The following SDK2 variants were observed in gnomAD, a reference collection of about 807,000 sequenced individuals.
The protein encoded by SDK2 is sidekick cell adhesion molecule 2.
A neutral mutation model predicts 253.9 loss-of-function variants in SDK2; 105 were observed. The ratio of observed to expected loss-of-function variants is 0.41; its 90% CI spans 0.35 to 0.49. The LOEUF is 0.49. Ranked by LOEUF, SDK2 falls within the 20% of genes least tolerant of loss-of-function variation. The probability of loss-of-function intolerance (pLI) is 0.06; values close to 1 mark genes in which losing one functional copy is unlikely to be tolerated. For synonymous variants in SDK2, 1,249 were observed against 1,234.9 expected, an observed-to-expected ratio of 1.01 and a Z score of -0.24; for missense variants, 2,608 against 3,003.0, an observed-to-expected ratio of 0.87 and a Z score of 3.07.
At chr17:73,521,977 C>T (rs555063962) in intron 1 of SDK2, among the ~76,000 whole-genome samples, 1 of 152,296 alleles carries the variant, frequency 6.6e-6, no homozygotes, top group Non-Finnish European at 1.5e-5. Flanking sequence ...TTATTTGCAC[C>T]ACACAGCAAT....
intron 1 of SDK2, among the ~76,000 whole-genome samples, chr17:73,608,012 T>C (rs915321215): frequency 6.6e-6 from 1 of 152,090 alleles, no homozygotes; most frequent in African/African-American, 2.4e-5. Flanking sequence ...AAGGAAAGAA[T>C]GTGGGTCCAT....
Position 73,455,934 on chromosome 17 carries a change from C to T in SDK2, c.451G>A (p.Gly151Ser), listed in dbSNP as rs776371081. Residue 151 changes from glycine to serine, a missense_variant, in exon 4 of 45, where the codon GGC (glycine) becomes AGC (serine). This residue lies in a region of SDK2 where 1,505 missense variants were observed against 1,859.1 expected (regional missense o/e 0.81). Coordinates refer to ENST00000392650, the MANE Select transcript of SDK2 (RefSeq NM_001144952.2). This position sits in a 1 kb window ranked among gnomAD's most constrained non-coding sequence, Gnocchi z 5.0. ...CGGCTGCTGGGCGGGATCTTGCGGC[C>T]GTCCCGGAACCAGGTCACCTGTGGC... Reference protein sequence around the residue: ...PQPQVTWFRDGRKIPPSSRIA... With the variant: ...PQPQVTWFRDSRKIPPSSRIA... 9.7e-6 allele frequency: 15 copies of T among 1,545,944 alleles called. No individual in the cohort carries two copies. The highest frequency in any genetic ancestry group is 1.2e-5 in the Non-Finnish European group (14 of 1,146,382).
At chr17:73,512,957 C>T (rs182472333) in intron 1 of SDK2, among the ~76,000 whole-genome samples, 30 of 152,060 alleles carry the variant, frequency 2.0e-4, no homozygotes, top group African/African-American at 6.8e-4. Context: ...AAAATAAATG[C>T]TGGATGGATC....
intron 1 of SDK2, among the ~76,000 whole-genome samples, chr17:73,549,067 T>C (rs2045013849): frequency 1.3e-5 from 2 of 152,230 alleles, no homozygotes; most frequent in African/African-American, 4.8e-5. Flanking sequence ...TTGGCCGAGG[T>C]GCTGGGCACC....
intron 1 of SDK2, among the ~76,000 whole-genome samples, chr17:73,572,384 G>A (rs1047914567): frequency 6.6e-6 from 1 of 151,964 alleles, no homozygotes; most frequent in Non-Finnish European, 1.5e-5. Context: ...ACCACGCACT[G>A]TTTTCTGTGC....
chr17:73,487,371 CA>C (rs1253435450), intron 2 of SDK2, among the ~76,000 whole-genome samples: 5 of 152,220 alleles, frequency 3.3e-5, no homozygotes, highest in African/African-American at 1.2e-4. Context: ...GAAGCTGTGA[CA>C]GATGGACCCC....
chr17:73,563,799 G>T (rs1203505890), intron 1 of SDK2, among the ~76,000 whole-genome samples: 2 of 151,544 alleles, frequency 1.3e-5, no homozygotes, highest in African/African-American at 4.9e-5. Context: ...TTGAGACAGG[G>T]TCTCCCTCTG....
chr17:73,537,100 C>A (rs533312173), intron 1 of SDK2, among the ~76,000 whole-genome samples: 2 of 152,134 alleles, frequency 1.3e-5, no homozygotes, highest in South Asian at 2.1e-4. Context: ...AGGATCACGA[C>A]GCATGTGCGT....
rs917281802 is a variant in SDK2, at chr17:73,435,892, T to A, written c.1001-248A>T. On this transcript the variant is annotated intron_variant, in intron 8 of 44. Transcript: ENST00000392650. The surrounding 1 kb of genome is among the most constrained non-coding windows in gnomAD (Gnocchi z 5.7). ...AATCAGTTTAGCATGGAAACTGGAT[T>A]GGACAAACTAATTTATTTATTCTAT... 6.6e-6 allele frequency among the ~76,000 whole-genome samples: 1 copy of A among 152,148 alleles called. No individual in the cohort carries two copies. Among genetic ancestry groups the A allele is most frequent in the African/African-American group, 2.4e-5 (1 of 41,426 alleles).
At chr17:73,350,188 C>CCCGGGCA (rs771236746) in intron 43 of SDK2, 49 bp downstream of exon 43, 5 of 1,544,738 alleles carry the variant, frequency 3.2e-6, no homozygotes, top group East Asian at 4.8e-5. Flanking sequence ...ATTCTCCCCA[C>CCCGGGCA]CTGGGCACTG....
At chr17:73,529,233 C>T (rs564872735) in intron 1 of SDK2, among the ~76,000 whole-genome samples, 11 of 152,158 alleles carry the variant, frequency 7.2e-5, no homozygotes, top group South Asian at 4.2e-4. Flanking sequence ...CAGTCAGTAC[C>T]GAGGTTGGGG....
intron 16 of SDK2, among the ~76,000 whole-genome samples, chr17:73,418,848 G>A (rs531109990): frequency 7.9e-5 from 12 of 152,218 alleles, no homozygotes; most frequent in African/African-American, 2.6e-4. Flanking sequence ...TGGAATATTC[G>A]CGGCTTCCCA....
At chr17:73,450,158 G>C (rs762277810) in intron 4 of SDK2, among the ~76,000 whole-genome samples, 1 of 152,168 alleles carries the variant, frequency 6.6e-6, no homozygotes, top group Non-Finnish European at 1.5e-5. Context: ...GGTCCTCCCC[G>C]TGCAGGGCTC....
chr17:73,358,450 G>A, intron 39 of SDK2, among the ~76,000 whole-genome samples: 1 of 152,204 alleles, frequency 6.6e-6, no homozygotes, highest in East Asian at 1.9e-4. Flanking sequence ...CAAATGGAAT[G>A]GTCCAGAAAG....
intron 1 of SDK2, among the ~76,000 whole-genome samples, chr17:73,523,884 G>A (rs1177205974): frequency 1.3e-5 from 2 of 152,008 alleles, no homozygotes; most frequent in Admixed American, 1.3e-4. Flanking sequence ...TGTCCATCAC[G>A]ACAGCCCTAA....
At chr17:73,552,188 CG>C (rs1466734031) in intron 1 of SDK2, among the ~76,000 whole-genome samples, 1 of 152,080 alleles carries the variant, frequency 6.6e-6, no homozygotes, top group Non-Finnish European at 1.5e-5. Context: ...AAAGAGAAAG[CG>C]AAACTCTCGT....
chr17:73,559,500 G>C (rs548490708), intron 1 of SDK2, among the ~76,000 whole-genome samples: 83 of 152,310 alleles, frequency 5.4e-4, no homozygotes, highest in African/African-American at 2.0e-3. Flanking sequence ...AATGAGAGGG[G>C]CAGATGGGAA....
intron 41 of SDK2, 58 bp from the exon 42 acceptor site, chr17:73,350,848 C>A: frequency 6.5e-7 from 1 of 1,539,038 alleles, no homozygotes; most frequent in Non-Finnish European, 8.7e-7. Flanking sequence ...CTCCAAATCT[C>A]CTGCTCCAGT....
intron 2 of SDK2, among the ~76,000 whole-genome samples, chr17:73,478,925 G>A (rs2063704274): frequency 1.3e-5 from 2 of 152,246 alleles, no homozygotes; most frequent in Admixed American, 6.5e-5. Flanking sequence ...GAGTGCACAT[G>A]TGCACACTTG....
Sources: gnomAD v4.1 joint callset for allele counts (sites outside exome capture counted in the v4.1 genomes callset) on GRCh38, gnomAD v4.1.1 for gene constraint, gnomAD v4.1.1 regional missense constraint, Gnocchi (gnomAD v3.1) non-coding constraint, MANE v1.5 for transcripts, NCBI Gene and HGNC (gene_info 2026-07-23, HGNC 2026-07-21) for gene names.